The following CDH12 variants were observed in gnomAD, a reference collection of about 807,000 sequenced individuals.
CDH12 encodes the protein cadherin-12.
Under a neutral mutation model 74.1 loss-of-function variants are expected in CDH12, and 41 were observed. The ratio of observed to expected loss-of-function variants is 0.55; its 90% CI spans 0.43 to 0.72. The LOEUF is 0.72. Among genes scored for constraint, CDH12 ranks in the 30% least tolerant of loss-of-function variants. The pLI is 0.00. For missense variants in CDH12, 945 were observed against 977.2 expected, an observed-to-expected ratio of 0.97 and a Z score of 0.44; for synonymous variants, 399 against 355.0, an observed-to-expected ratio of 1.12 and a Z score of -1.39.
chr5:22,741,405 A>T (rs1159146562), intron 1 of CDH12, among the ~76,000 whole-genome samples: 2 of 152,194 alleles, frequency 1.3e-5, no homozygotes, highest in Non-Finnish European at 2.9e-5. Flanking sequence ...TTTTATTATT[A>T]GCATTATATC....
intron 2 of CDH12, among the ~76,000 whole-genome samples, chr5:22,467,250 G>A (rs1276965208): frequency 6.6e-6 from 1 of 152,166 alleles, no homozygotes; most frequent in Admixed American, 6.5e-5. Context: ...AATTTTAACT[G>A]TTTAGCGAGA....
At chr5:22,275,083 G>T (rs1041445568) in intron 3 of CDH12, among the ~76,000 whole-genome samples, 1 of 152,038 alleles carries the variant, frequency 6.6e-6, no homozygotes, top group Non-Finnish European at 1.5e-5. Context: ...AGGCAAACAA[G>T]AAAAGGACAC....
At chr5:22,741,623 T>A (rs1745028439) in intron 1 of CDH12, among the ~76,000 whole-genome samples, 1 of 152,128 alleles carries the variant, frequency 6.6e-6, no homozygotes, top group African/African-American at 2.4e-5. Context: ...CCCTCAGTAT[T>A]GTAAGATGGA....
intron 1 of CDH12, among the ~76,000 whole-genome samples, chr5:22,525,013 T>C (rs1164447322): frequency 2.1e-5 from 3 of 143,266 alleles, no homozygotes; most frequent in African/African-American, 5.1e-5. Flanking sequence ...CCTGTGTCCA[T>C]GTGTTCTCAT....
intron 2 of CDH12, among the ~76,000 whole-genome samples, chr5:22,483,452 T>C (rs1427132966): frequency 6.6e-6 from 1 of 151,742 alleles, no homozygotes; most frequent in African/African-American, 2.4e-5. Flanking sequence ...GATTTCCTAG[T>C]GGTGAAATGC....
At chr5:21,913,266 G>C (rs1753942709) in intron 6 of CDH12, among the ~76,000 whole-genome samples, 1 of 152,148 alleles carries the variant, frequency 6.6e-6, no homozygotes, top group Non-Finnish European at 1.5e-5. Context: ...TATTGGTTCT[G>C]AGGTCTTCAT....
intron 1 of CDH12, among the ~76,000 whole-genome samples, chr5:22,654,831 A>G (rs544940323): frequency 8.0e-5 from 12 of 150,334 alleles, no homozygotes; most frequent in Non-Finnish European, 1.3e-4. Context: ...GTGTTTCTCC[A>G]TGTTGGTCAG....
Position 22,743,260 on chromosome 5 carries a change from T to TTTTA in CDH12, c.-523+109797_-523+109798insTAAA, listed in dbSNP as rs1553997520. On this transcript the variant is annotated intron_variant, in intron 1 of 14. Transcript: ENST00000382254. ...CTCAGCATCCATAATAGCATGGAGA[T>TTTTA]TATATATATATATATATATATGTAT... Among the ~76,000 whole-genome samples the TTTTA allele has an allele frequency of 3.2e-3, 285 of 90,426 alleles. 2 individuals carry two copies. The highest frequency in any genetic ancestry group is 6.6e-3 in the Admixed American group (56 of 8,452). The allele number at this position is 90,426 out of a possible 152,430, so 59.3% of individuals were successfully genotyped here. A position where few individuals can be genotyped will look rare whatever the true frequency, so the allele number is the denominator to read the frequency against.
intron 3 of CDH12, among the ~76,000 whole-genome samples, chr5:22,274,142 T>C (rs546208624): frequency 1.3e-5 from 2 of 152,226 alleles, no homozygotes; most frequent in African/African-American, 4.8e-5. Flanking sequence ...CAAACAATAA[T>C]ACCTAAAAAT....
At chr5:22,288,498 A>G (rs1737252245) in intron 3 of CDH12, among the ~76,000 whole-genome samples, 1 of 152,174 alleles carries the variant, frequency 6.6e-6, no homozygotes, top group Non-Finnish European at 1.5e-5. Context: ...GCATGTCCGT[A>G]TCTGATCTAT....
chr5:22,692,661 C>G (rs1742144719), intron 1 of CDH12, among the ~76,000 whole-genome samples: 2 of 152,064 alleles, frequency 1.3e-5, no homozygotes, highest in South Asian at 4.2e-4. Flanking sequence ...AGCATGATGA[C>G]AGTGTTCTTT....
At chr5:21,783,111 C>T (rs1009080532) in intron 11 of CDH12, among the ~76,000 whole-genome samples, 1 of 151,924 alleles carries the variant, frequency 6.6e-6, no homozygotes, top group Non-Finnish European at 1.5e-5. Context: ...AAGCATAGAA[C>T]AGGATGAGGT....
intron 3 of CDH12, among the ~76,000 whole-genome samples, chr5:22,249,649 G>A (rs1037672286): frequency 2.0e-5 from 3 of 152,124 alleles, no homozygotes; most frequent in Non-Finnish European, 4.4e-5. Context: ...ATCATCAACC[G>A]ACTCTATTTC....
chr5:22,284,079 G>T (rs1373343616), intron 3 of CDH12, among the ~76,000 whole-genome samples: 1 of 151,940 alleles, frequency 6.6e-6, no homozygotes, highest in Admixed American at 6.6e-5. Context: ...GATGTTGAGT[G>T]CAAAAAAAGA....
chr5:21,904,129 C>T (rs1361121399), intron 6 of CDH12, among the ~76,000 whole-genome samples: 1 of 152,090 alleles, frequency 6.6e-6, no homozygotes, highest in Non-Finnish European at 1.5e-5. Context: ...ATTTCCTGCC[C>T]TAAATTCTGC....
At chr5:22,428,843 G>A (rs1469561797) in intron 2 of CDH12, among the ~76,000 whole-genome samples, 1 of 152,048 alleles carries the variant, frequency 6.6e-6, no homozygotes, top group East Asian at 1.9e-4. Flanking sequence ...TATGAAACTG[G>A]GAGAACAGCC....
intron 9 of CDH12, among the ~76,000 whole-genome samples, chr5:21,804,432 C>T (rs1747312501): frequency 6.6e-6 from 1 of 151,860 alleles, no homozygotes; most frequent in Non-Finnish European, 1.5e-5. Flanking sequence ...TTACCAAAGC[C>T]AAAAATGAGA....
chr5:22,043,259 G>T (rs575987495), intron 5 of CDH12, among the ~76,000 whole-genome samples: 93 of 152,206 alleles, frequency 6.1e-4, no homozygotes, highest in African/African-American at 2.0e-3. Context: ...GAGCAAGTGG[G>T]TTTCATCCTA....
At chr5:21,807,146 C>A (rs981376294) in intron 9 of CDH12, among the ~76,000 whole-genome samples, 1 of 152,144 alleles carries the variant, frequency 6.6e-6, no homozygotes, top group African/African-American at 2.4e-5. Context: ...TCTAACCCCA[C>A]CCAGATTTGT....
Sources: gnomAD v4.1 joint callset for allele counts (sites outside exome capture counted in the v4.1 genomes callset) on GRCh38, gnomAD v4.1.1 for gene constraint, MANE v1.5 for transcripts, NCBI Gene and HGNC (gene_info 2026-07-23, HGNC 2026-07-21) for gene names.